The following PTPRM variants were observed in gnomAD, a reference collection of about 807,000 sequenced individuals.
PTPRM encodes receptor-type tyrosine-protein phosphatase mu.
A neutral mutation model predicts 186.7 loss-of-function variants in PTPRM; 47 were observed. The observed-to-expected ratio is 0.25, with a 90% CI of 0.20 to 0.32. The LOEUF is 0.32. PTPRM is among the 10% of genes least tolerant of loss of function. The pLI is 1.00. For missense variants in PTPRM, 1,494 were observed against 1,865.0 expected (o/e 0.80, Z 3.66); for synonymous variants, 668 against 674.9 (o/e 0.99, Z 0.16).
At chr18:8,164,903 A>T (rs952666523) in intron 14 of PTPRM, among the ~76,000 whole-genome samples, 1 of 15,950 alleles carries the variant, frequency 6.3e-5, no homozygotes, top group African/African-American at 6.6e-5. Context: ...GCAGTGGCAC[A>T]TGCCTAATCC....
At chr18:7,802,836 T>C (rs886425656) in intron 2 of PTPRM, among the ~76,000 whole-genome samples, 2 of 152,254 alleles carry the variant, frequency 1.3e-5, no homozygotes, top group Non-Finnish European at 2.9e-5. Context: ...TTATGTTTCA[T>C]GCACTCTGCT....
At chr18:7,629,070 A>G (rs2038128440) in intron 1 of PTPRM, among the ~76,000 whole-genome samples, 1 of 152,218 alleles carries the variant, frequency 6.6e-6, no homozygotes, top group Non-Finnish European at 1.5e-5. Context: ...ATTACGAAGT[A>G]TGCTTCAAAA....
rs150010625 is a variant in PTPRM at position 7,696,049 on chromosome 18, T to G, written c.74-78100T>G. Among the ~76,000 whole-genome samples the G allele has an allele frequency of 5.0e-3, 768 of 152,340 alleles. 4 individuals are homozygous for G. Among genetic ancestry groups the G allele is most frequent in the African/African-American group, 0.018 (743 of 41,580 alleles). ...TCCTTTTAATGGTTAATGTCAGCAT[T>G]TTAGCATGAACGTTTAAGTGTCCCC... is the stretch of plus-strand genomic sequence containing the variant. On this transcript the variant is annotated intron_variant, in intron 1 of 32. Coordinates refer to ENST00000580170, the MANE Select transcript of PTPRM (RefSeq NM_001105244.2).
chr18:7,919,813 A>G (rs2050760079), intron 4 of PTPRM, among the ~76,000 whole-genome samples: 1 of 152,048 alleles, frequency 6.6e-6, no homozygotes, highest in Non-Finnish European at 1.5e-5. Flanking sequence ...CCCTGCTATG[A>G]CTGTATTACA....
intron 1 of PTPRM, among the ~76,000 whole-genome samples, chr18:7,603,169 C>T (rs1268856432): frequency 6.6e-6 from 1 of 152,082 alleles, no homozygotes; most frequent in African/African-American, 2.4e-5. Context: ...GCCTCGTGAT[C>T]TGCCTGCCTT....
chr18:7,894,268 T>G (rs1288817387), intron 3 of PTPRM, among the ~76,000 whole-genome samples: 1 of 152,182 alleles, frequency 6.6e-6, no homozygotes, highest in Non-Finnish European at 1.5e-5. Flanking sequence ...TTGACTATTA[T>G]ATTTCTGATT....
chr18:8,185,798 C>G (rs1217128315), intron 14 of PTPRM, among the ~76,000 whole-genome samples: 2 of 152,098 alleles, frequency 1.3e-5, no homozygotes, highest in Non-Finnish European at 2.9e-5. Context: ...CCTGAAGAGG[C>G]AAAATTCCTG....
chr18:8,370,850 C>A (rs1357522304), intron 23 of PTPRM, 40 bp from the exon 24 acceptor site: 4 of 1,367,972 alleles, frequency 2.9e-6, no homozygotes, highest in East Asian at 4.8e-5. Context: ...TCCAAAAAAA[C>A]CAAACTGTAA....
At chr18:8,257,800 A>G (rs2094588110) in intron 19 of PTPRM, among the ~76,000 whole-genome samples, 1 of 152,188 alleles carries the variant, frequency 6.6e-6, no homozygotes, top group Non-Finnish European at 1.5e-5. Flanking sequence ...TGAAGTAGTG[A>G]TGTTCTCTCT....
intron 4 of PTPRM, among the ~76,000 whole-genome samples, chr18:7,919,999 A>T (rs140945344): frequency 6.6e-6 from 1 of 152,018 alleles, no homozygotes; most frequent in Non-Finnish European, 1.5e-5. Flanking sequence ...ATAAACATAG[A>T]TACTCCTCCT....
intron 1 of PTPRM, among the ~76,000 whole-genome samples, chr18:7,686,915 A>G (rs2039615883): frequency 6.6e-6 from 1 of 152,220 alleles, no homozygotes; most frequent in Admixed American, 6.5e-5. Context: ...GGCCAAAGTT[A>G]ATGACATCAG....
At chr18:8,145,074 C>T (rs1479287522) in intron 14 of PTPRM, among the ~76,000 whole-genome samples, 1 of 152,020 alleles carries the variant, frequency 6.6e-6, no homozygotes, top group Non-Finnish European at 1.5e-5. Context: ...GGATTGGACA[C>T]AGTGAGGAGG....
At chr18:8,275,678 G>C (rs143353344) in intron 19 of PTPRM, among the ~76,000 whole-genome samples, 1 of 152,104 alleles carries the variant, frequency 6.6e-6, no homozygotes, top group Non-Finnish European at 1.5e-5. Flanking sequence ...CTAACTCCTC[G>C]AGAAAAGGGA....
intron 3 of PTPRM, among the ~76,000 whole-genome samples, chr18:7,901,706 A>G (rs2049698519): frequency 6.6e-6 from 1 of 152,190 alleles, no homozygotes; most frequent in Non-Finnish European, 1.5e-5. Flanking sequence ...GAAAAAAAAC[A>G]AAGGGAAATC....
Position 8,379,244 on chromosome 18 carries a change from C to T in PTPRM, c.3690C>T (p.Asn1230=). 8.7e-6 allele frequency: 14 copies of T among 1,614,114 alleles called. No individual in the cohort carries two copies. Among genetic ancestry groups the T allele is most frequent in the Non-Finnish European group, 1.2e-5 (14 of 1,179,992 alleles). The stretch of plus-strand genomic sequence containing the variant: ...TGTTGCCCCGGAACCATGAGAAAAA[C>T]CGGTGCATGGACATCCTGCCCCCAG... The part of the protein sequence containing the change: ...IALLPRNHEK[N]RCMDILPPDR... Residue 1230 remains asparagine (N), a synonymous_variant, in exon 28 of 33, where the codon AAC becomes AAT. Coordinates refer to ENST00000580170, the MANE Select transcript of PTPRM (RefSeq NM_001105244.2).
intron 22 of PTPRM, among the ~76,000 whole-genome samples, chr18:8,325,629 G>A (rs1204443999): frequency 6.6e-6 from 1 of 152,132 alleles, no homozygotes; most frequent in Non-Finnish European, 1.5e-5. Context: ...ATGAACACAT[G>A]TATGTATGTA....
chr18:7,789,320 G>T (rs2043229249), intron 2 of PTPRM, among the ~76,000 whole-genome samples: 1 of 151,050 alleles, frequency 6.6e-6, no homozygotes, highest in Non-Finnish European at 1.5e-5. Flanking sequence ...GTGAGACCCT[G>T]TCTTTAAATG....
chr18:8,354,763 C>G (rs182190950), intron 23 of PTPRM, among the ~76,000 whole-genome samples: 24 of 152,254 alleles, frequency 1.6e-4, no homozygotes, highest in Admixed American at 1.4e-3. Context: ...TGGTACGTAC[C>G]AAGTTCCCAT....
chr18:8,032,894 A>T (rs1406775763), intron 7 of PTPRM, among the ~76,000 whole-genome samples: 1 of 152,134 alleles, frequency 6.6e-6, no homozygotes, highest in Non-Finnish European at 1.5e-5. Context: ...TTAACCCCAT[A>T]GAGATTAAGG....
Sources: allele counts gnomAD v4.1 joint callset (sites outside exome capture counted in the v4.1 genomes callset), GRCh38; gene constraint gnomAD v4.1.1; transcripts MANE v1.5; gene names NCBI Gene and HGNC (gene_info 2026-07-23, HGNC 2026-07-21).